Variants in NRXN3 observed in about 807,000 individuals in gnomAD.
NRXN3 encodes the protein neurexin 3.
A neutral mutation model predicts 137.6 loss-of-function variants in NRXN3; 32 were observed. That is an observed-to-expected ratio of 0.23 (90% CI 0.18 to 0.31). The LOEUF (loss-of-function observed/expected upper bound fraction) is 0.31. Ranked by LOEUF, NRXN3 falls within the 10% of genes least tolerant of loss-of-function variation. The pLI, the probability that NRXN3 is intolerant of heterozygous loss-of-function variation, is 1.00. For missense variants in NRXN3, 1,574 were observed against 2,062.5 expected, an observed-to-expected ratio of 0.76 and a Z score of 4.59; for synonymous variants, 798 against 784.5, an observed-to-expected ratio of 1.02 and a Z score of -0.29.
chr14:79,768,264 G>T (rs1163808714), intron 19 of NRXN3, among the ~76,000 whole-genome samples: 2 of 152,198 alleles, frequency 1.3e-5, no homozygotes, highest in African/African-American at 4.8e-5. Flanking sequence ...ACTGGGTGGA[G>T]CCCACCACAG....
intron 4 of NRXN3, among the ~76,000 whole-genome samples, chr14:78,491,120 A>G (rs944700746): frequency 4.6e-5 from 7 of 152,206 alleles, no homozygotes; most frequent in Non-Finnish European, 8.8e-5. Flanking sequence ...GTTATAAAGA[A>G]GAAAGGACAT....
chr14:79,253,189 A>T (rs1287644940), intron 15 of NRXN3, among the ~76,000 whole-genome samples: 3 of 152,178 alleles, frequency 2.0e-5, no homozygotes, highest in Non-Finnish European at 4.4e-5. Flanking sequence ...TTTGCAAAAG[A>T]AAGAATCCTG....
chr14:79,770,669 G>T (rs1485495047), intron 19 of NRXN3, among the ~76,000 whole-genome samples: 1 of 149,756 alleles, frequency 6.7e-6, no homozygotes, highest in East Asian at 2.0e-4. Flanking sequence ...ACAAGAGAAA[G>T]CAGGAAAGAT....
At chr14:78,413,379 G>A (rs1165363297) in intron 4 of NRXN3, among the ~76,000 whole-genome samples, 1 of 152,172 alleles carries the variant, frequency 6.6e-6, no homozygotes, top group African/African-American at 2.4e-5. Flanking sequence ...TCCACCTACT[G>A]GGTTCAAGCG....
intron 15 of NRXN3, among the ~76,000 whole-genome samples, chr14:79,297,712 T>C (rs1159551235): frequency 1.3e-5 from 2 of 152,138 alleles, no homozygotes; most frequent in African/African-American, 4.8e-5. Context: ...GCTAGATAGA[T>C]GGAGATGTAT....
intron 15 of NRXN3, among the ~76,000 whole-genome samples, chr14:79,131,702 C>A (rs1378478660): frequency 1.3e-5 from 2 of 152,216 alleles, no homozygotes; most frequent in African/African-American, 2.4e-5. Flanking sequence ...GTGGTTGGCT[C>A]CACCCAGTTG....
intron 16 of NRXN3, among the ~76,000 whole-genome samples, chr14:79,571,191 G>T (rs74981723): frequency 0.067 from 10,196 of 152,206 alleles, 378 homozygotes; most frequent in South Asian, 0.13. Context: ...CTTTAGGTAC[G>T]CTGTGGCATG....
At chr14:79,235,500 C>G (rs1458208931) in intron 15 of NRXN3, among the ~76,000 whole-genome samples, 2 of 152,162 alleles carry the variant, frequency 1.3e-5, no homozygotes, top group Non-Finnish European at 1.5e-5. Context: ...CCACACCTTA[C>G]ATCTGTGTCT....
At chr14:78,680,793 C>A (rs560507487) in intron 6 of NRXN3, among the ~76,000 whole-genome samples, 2 of 152,274 alleles carry the variant, frequency 1.3e-5, no homozygotes, top group African/African-American at 4.8e-5. Flanking sequence ...GACCTCAATA[C>A]TCTGGTTTCT....
chr14:78,879,058 T>C (rs1029668047), intron 10 of NRXN3, among the ~76,000 whole-genome samples: 11 of 152,210 alleles, frequency 7.2e-5, no homozygotes, highest in Admixed American at 7.2e-4. Context: ...GGCTCAATAA[T>C]ATTGGTTGTG....
intron 4 of NRXN3, among the ~76,000 whole-genome samples, chr14:78,542,604 T>G (rs2096601235): frequency 6.6e-6 from 1 of 152,300 alleles, no homozygotes; most frequent in East Asian, 1.9e-4. Context: ...ATGGCTTCCC[T>G]TGGCTAGGAA....
intron 15 of NRXN3, among the ~76,000 whole-genome samples, chr14:79,448,432 T>C (rs1446511731): frequency 6.6e-6 from 1 of 152,246 alleles, no homozygotes; most frequent in Non-Finnish European, 1.5e-5. Flanking sequence ...TATTAGAGTA[T>C]GATCTCTATT....
intron 17 of NRXN3, among the ~76,000 whole-genome samples, chr14:79,670,487 T>G (rs1407302620): frequency 6.6e-6 from 1 of 152,118 alleles, no homozygotes; most frequent in Non-Finnish European, 1.5e-5. Flanking sequence ...CATGATCATA[T>G]ATATGCATTT....
chr14:79,009,921 G>A (rs2964906), intron 15 of NRXN3, among the ~76,000 whole-genome samples: 29,416 of 152,106 alleles, frequency 0.19, 7,725 homozygotes, highest in African/African-American at 0.6. Context: ...GGACTATAAG[G>A]TATTCCTGTG....
intron 1 of NRXN3, among the ~76,000 whole-genome samples, chr14:78,213,261 A>T (rs577351983): frequency 7.7e-6 from 1 of 130,496 alleles, no homozygotes; most frequent in East Asian, 2.2e-4. Flanking sequence ...TCCTCTTAGG[A>T]AGACTGATCT....
chr14:79,524,670 C>A (rs972164110), intron 16 of NRXN3, among the ~76,000 whole-genome samples: 1 of 152,146 alleles, frequency 6.6e-6, no homozygotes, highest in African/African-American at 2.4e-5. Context: ...GAGAGTTTTT[C>A]CCTTGGCCTT....
chr14:78,339,794 C>T (rs2081951504), intron 4 of NRXN3, among the ~76,000 whole-genome samples: 1 of 152,118 alleles, frequency 6.6e-6, no homozygotes, highest in Admixed American at 6.5e-5. Flanking sequence ...AAAGAGGATT[C>T]TAAGATTTTC....
intron 19 of NRXN3, among the ~76,000 whole-genome samples, chr14:79,719,382 G>GTGTATATATA (rs2098835552): frequency 3.1e-5 from 4 of 127,788 alleles, no homozygotes; most frequent in Non-Finnish European, 5.1e-5. Flanking sequence ...GTATATATAT[G>GTGTATATATA]TGTGTGTATA....
chr14:78,837,788 T>A (rs1009272594), intron 10 of NRXN3, among the ~76,000 whole-genome samples: 1 of 152,190 alleles, frequency 6.6e-6, no homozygotes, highest in African/African-American at 2.4e-5. Flanking sequence ...AAAAGCCACC[T>A]TTGCGTGTTG....
Sources: gnomAD v4.1 joint callset for allele counts (sites outside exome capture counted in the v4.1 genomes callset) on GRCh38, gnomAD v4.1.1 for gene constraint, MANE v1.5 for transcripts, NCBI Gene and HGNC (gene_info 2026-07-23, HGNC 2026-07-21) for gene names.